Variants in PEX5L observed in about 807,000 individuals in gnomAD.
PEX5L encodes the protein PEX5-related protein.
PEX5L carries 30 observed loss-of-function variants against 84.0 expected under a neutral mutation model. The observed-to-expected ratio is 0.36, with a 90% CI of 0.27 to 0.48. PEX5L has a LOEUF of 0.48. Among genes scored for constraint, PEX5L ranks in the 20% least tolerant of loss-of-function variants. PEX5L has a pLI of 0.99. For synonymous variants in PEX5L, 270 were observed against 283.1 expected (o/e 0.95, Z 0.46); for missense variants, 533 against 754.6 (o/e 0.71, Z 3.44).
At chr3:179,831,224 G>T (rs1732763529) in intron 8 of PEX5L, among the ~76,000 whole-genome samples, 1 of 150,790 alleles carries the variant, frequency 6.6e-6, no homozygotes. Context: ...CTGAGGCAGA[G>T]AATTGCTTGA....
chr3:179,866,693 AT>A (rs931123885), intron 7 of PEX5L, among the ~76,000 whole-genome samples: 2 of 151,422 alleles, frequency 1.3e-5, no homozygotes, highest in African/African-American at 4.8e-5. Flanking sequence ...AATACCCAGG[AT>A]TTTTTTTTCT....
chr3:179,937,190 T>C (rs963725854), intron 2 of PEX5L, among the ~76,000 whole-genome samples: 1 of 152,084 alleles, frequency 6.6e-6, no homozygotes, highest in Non-Finnish European at 1.5e-5. Context: ...GTTACAAAAG[T>C]AAAAAGTTCA....
chr3:179,957,609 G>A (rs1398350674), intron 2 of PEX5L, among the ~76,000 whole-genome samples: 1 of 152,160 alleles, frequency 6.6e-6, no homozygotes, highest in Non-Finnish European at 1.5e-5. Flanking sequence ...CTGGTGGAGT[G>A]ACATTTTCAG....
chr3:179,932,949 G>C (rs935522828), intron 2 of PEX5L, among the ~76,000 whole-genome samples: 6 of 152,010 alleles, frequency 3.9e-5, no homozygotes, highest in African/African-American at 1.4e-4. Flanking sequence ...GTGTACAATA[G>C]ATCTCCTGAT....
At chr3:179,954,184 C>G (rs1038451959) in intron 2 of PEX5L, among the ~76,000 whole-genome samples, 4 of 123,736 alleles carry the variant, frequency 3.2e-5, no homozygotes, top group Non-Finnish European at 5.0e-5. Context: ...CAAGAACAAG[C>G]CCAGAAATTA....
chr3:179,947,832 G>A (rs1010581754), intron 2 of PEX5L, among the ~76,000 whole-genome samples: 2 of 150,406 alleles, frequency 1.3e-5, no homozygotes, highest in African/African-American at 2.5e-5. Context: ...TCAGCCTCCC[G>A]AGTAGCTGGG....
intron 1 of PEX5L, among the ~76,000 whole-genome samples, chr3:180,027,920 C>A (rs1791112070): frequency 6.6e-6 from 1 of 152,134 alleles, no homozygotes; most frequent in South Asian, 2.1e-4. Context: ...CATAATTAGA[C>A]TCAGGTTGTG....
At chr3:179,923,301 A>AAAACC (rs373203984) in intron 2 of PEX5L, among the ~76,000 whole-genome samples, 1 of 143,276 alleles carries the variant, frequency 7.0e-6, no homozygotes, top group Admixed American at 7.0e-5. Context: ...AAAAAAAAAA[A>AAAACC]AAAAAAAAAA....
intron 1 of PEX5L, among the ~76,000 whole-genome samples, chr3:179,998,031 A>C (rs1416800092): frequency 3.3e-5 from 5 of 152,326 alleles, no homozygotes; most frequent in South Asian, 2.1e-4. Context: ...TCAGTGAGTA[A>C]GAAGTAGAAA....
In PEX5L at chr3:179,888,321, C is replaced by T. The variant is rs1448072283; in HGVS notation, c.199-537G>A. 4 of 330,350 alleles carry T rather than the reference C, an allele frequency of 1.2e-5. No individual in the cohort carries two copies. The East Asian group carries it at 3.2e-4, about 26-fold the overall frequency. 20.5% of individuals were successfully genotyped at this position (330,350 alleles called of 1,614,324 possible). ...ACACCCTCTACATTTCCTTGGAATG[C>T]TTTTGTATTACATAACAAATATTAT... On this transcript the variant is annotated intron_variant, in intron 3 of 14. Coordinates refer to ENST00000467460, the MANE Select transcript of PEX5L (RefSeq NM_016559.3).
In PEX5L at chr3:179,928,451, C is replaced by T. The variant is rs1415443267; in HGVS notation, c.94-30205G>A. Reference sequence around the variant, plus strand: ...GGACTGAGAGAGTGCTAGGGCCTCTCGGGGACACACACCCTTCCTTCCCCA... The same window carrying T: ...GGACTGAGAGAGTGCTAGGGCCTCTTGGGGACACACACCCTTCCTTCCCCA... On this transcript the variant is annotated intron_variant, in intron 2 of 14. Transcript: ENST00000467460. Among the ~76,000 whole-genome samples, 10 of 152,192 alleles carry T rather than the reference C, an allele frequency of 6.6e-5. No homozygotes were observed. In the East Asian group the frequency reaches 1.7e-3, roughly 26 times the overall value.
At chr3:179,977,782 G>A (rs571114914) in intron 1 of PEX5L, among the ~76,000 whole-genome samples, 85 of 152,156 alleles carry the variant, frequency 5.6e-4, no homozygotes, top group Admixed American at 8.5e-4. Context: ...TATTTTTACA[G>A]AGAATCATTT....
At position 180,036,852 on chromosome 3, in the gene PEX5L, G is replaced by C. The variant is rs78233287; in HGVS notation, c.-253C>G. ...CGCAGAGAAGGCGAGGAGCCGGGTCGGCCAGGCTCTCCTGCAGGCGCGGGT... is the reference window on the plus strand; with the variant it reads ...CGCAGAGAAGGCGAGGAGCCGGGTCCGCCAGGCTCTCCTGCAGGCGCGGGT... On this transcript the variant is annotated 5_prime_UTR_variant, in exon 1 of 15. Transcript: ENST00000467460. 1,203 of 559,852 alleles carry C rather than the reference G, an allele frequency of 2.1e-3. 10 individuals are homozygous for C. The highest frequency in any genetic ancestry group is 0.021 in the African/African-American group (1,096 of 53,104). The allele number at this position is 559,852 out of a possible 1,614,324, so 34.7% of individuals were successfully genotyped here. A position where few individuals can be genotyped will look rare whatever the true frequency, so the allele number is the denominator to read the frequency against.
intron 1 of PEX5L, among the ~76,000 whole-genome samples, chr3:180,003,393 GA>G (rs890086894): frequency 7.0e-6 from 1 of 143,770 alleles, no homozygotes; most frequent in African/African-American, 2.6e-5. Context: ...CTAAAAAAAA[GA>G]AAAAAAAAGA....
intron 1 of PEX5L, among the ~76,000 whole-genome samples, chr3:179,978,673 A>G (rs561834507): frequency 6.6e-6 from 1 of 152,324 alleles, no homozygotes; most frequent in South Asian, 2.1e-4. Context: ...TGTTTCAAAA[A>G]GCTTCCAAGA....
chr3:179,816,050 C>T (rs1577211356), intron 9 of PEX5L, 46 bp from the exon 10 acceptor site: 2 of 1,580,106 alleles, frequency 1.3e-6, no homozygotes, highest in Non-Finnish European at 1.7e-6. Flanking sequence ...GATTTCTCTT[C>T]TCATTCTCAC....
chr3:179,830,824 C>T (rs935962175), intron 8 of PEX5L, among the ~76,000 whole-genome samples: 1 of 152,152 alleles, frequency 6.6e-6, no homozygotes, highest in Non-Finnish European at 1.5e-5. Context: ...AGAGAAAAAA[C>T]CCCACTCTCT....
At chr3:179,829,751 A>C (rs1731936474) in intron 8 of PEX5L, among the ~76,000 whole-genome samples, 1 of 150,718 alleles carries the variant, frequency 6.6e-6, no homozygotes, top group East Asian at 2.0e-4. Context: ...CTTGGTGATA[A>C]ATAATTTAAA....
At chr3:179,847,811 C>T (rs1444611608) in intron 8 of PEX5L, among the ~76,000 whole-genome samples, 1 of 151,998 alleles carries the variant, frequency 6.6e-6, no homozygotes, top group Non-Finnish European at 1.5e-5. Context: ...AAGTGATTCT[C>T]CCACCTCAAC....
Sources: gnomAD v4.1 joint callset for allele counts (sites outside exome capture counted in the v4.1 genomes callset) on GRCh38, gnomAD v4.1.1 for gene constraint, MANE v1.5 for transcripts, NCBI Gene and HGNC (gene_info 2026-07-23, HGNC 2026-07-21) for gene names.